TSHZ2: variants seen among roughly 807,000 people sequenced by gnomAD.
The protein encoded by TSHZ2 is teashirt homolog 2.
In TSHZ2, 21 loss-of-function variants were observed where a neutral mutation model predicts 74.4. The observed-to-expected ratio is 0.28, with a 90% CI of 0.20 to 0.41. TSHZ2 has a LOEUF of 0.41. TSHZ2 is among the 10% of genes least tolerant of loss of function. The probability of loss-of-function intolerance (pLI) is 1.00; values close to 1 mark genes in which losing one functional copy is unlikely to be tolerated. For missense variants in TSHZ2, 1,244 were observed against 1,293.5 expected (o/e 0.96, Z 0.59); for synonymous variants, 540 against 515.3 (o/e 1.05, Z -0.65).
At chr20:53,193,075 C>A in intron 1 of TSHZ2, among the ~76,000 whole-genome samples, 1 of 148,032 alleles carries the variant, frequency 6.8e-6, no homozygotes. Flanking sequence ...TGGAAGACCC[C>A]AAAACAGAGT....
In TSHZ2 at chr20:53,253,725, T is replaced by C. The variant is rs1371662395; in HGVS notation, c.267T>C (p.Ser89=). ...AENESLLSDA[S]DQVSDIKSVC... ...ACGAGTCTCTGCTGAGTGACGCCAG[T>C]GATCAGGTGTCGGACATCAAGAGTG... Residue 89 remains serine (S), a synonymous_variant, in exon 2 of 3, where the codon AGT becomes AGC. Coordinates refer to ENST00000371497, the MANE Select transcript of TSHZ2 (RefSeq NM_173485.6). 1 of 1,614,184 alleles carries C rather than the reference T, an allele frequency of 6.2e-7. No individual in the cohort carries two copies. Among genetic ancestry groups the C allele is most frequent in the Non-Finnish European group, 8.5e-7 (1 of 1,180,034 alleles).
At chr20:53,048,013 G>T (rs1465459485) in intron 1 of TSHZ2, among the ~76,000 whole-genome samples, 1 of 152,216 alleles carries the variant, frequency 6.6e-6, no homozygotes, top group Non-Finnish European at 1.5e-5. Context: ...GTAAGTGGCT[G>T]AGTGGCGATC....
At position 53,185,659 on chromosome 20, in the gene TSHZ2, C is replaced by T. The variant is rs183040578; in HGVS notation, c.41-67840C>T. ...AAGAAAGAAAAGATGATGGCTGCTG[C>T]GTTGCTCCATTATACAGGTACAACA... is the stretch of plus-strand genomic sequence containing the variant. On this transcript the variant is annotated intron_variant, in intron 1 of 2. Transcript: ENST00000371497. 2.0e-4 allele frequency: 312 copies of T among 1,536,026 alleles called. 1 individual carries two copies. Among genetic ancestry groups the T allele is most frequent in the African/African-American group, 1.0e-3 (73 of 73,144 alleles).
At chr20:53,291,323 A>AC (rs1991273558) in intron 2 of TSHZ2, among the ~76,000 whole-genome samples, 1 of 152,024 alleles carries the variant, frequency 6.6e-6, no homozygotes, top group African/African-American at 2.4e-5. Flanking sequence ...AATACACAAA[A>AC]TTAGCTGGAT....
intron 2 of TSHZ2, among the ~76,000 whole-genome samples, chr20:53,287,682 G>A (rs1201499576): frequency 6.6e-6 from 1 of 152,090 alleles, no homozygotes; most frequent in Non-Finnish European, 1.5e-5. Flanking sequence ...TGAGTGCCAG[G>A]GTAGTGGTAT....
intron 1 of TSHZ2, among the ~76,000 whole-genome samples, chr20:53,152,914 C>CGGGT (rs1035645392): frequency 1.1e-4 from 17 of 152,252 alleles, no homozygotes; most frequent in African/African-American, 3.9e-4. Context: ...GAAGAATTGC[C>CGGGT]TACCCCAGTC....
At chr20:53,316,403 G>A (rs888285907) in intron 2 of TSHZ2, among the ~76,000 whole-genome samples, 10 of 152,100 alleles carry the variant, frequency 6.6e-5, no homozygotes, top group Non-Finnish European at 1.0e-4. Flanking sequence ...GCGTAGTAGG[G>A]GGTTGGTGTT....
intron 1 of TSHZ2, among the ~76,000 whole-genome samples, chr20:53,014,585 T>C (rs1982969976): frequency 1.3e-5 from 2 of 152,168 alleles, no homozygotes; most frequent in Admixed American, 6.5e-5. Context: ...CCTCAAGTTC[T>C]ACCCTCCTCT....
intron 1 of TSHZ2, among the ~76,000 whole-genome samples, chr20:53,034,372 C>G (rs1366066058): frequency 1.3e-5 from 2 of 152,164 alleles, no homozygotes; most frequent in South Asian, 4.1e-4. Context: ...AATAAGGTGT[C>G]TGCCCCATAG....
At chr20:53,185,434 G>A in intron 1 of TSHZ2, 2 of 1,313,734 alleles carry the variant, frequency 1.5e-6, no homozygotes, top group South Asian at 3.8e-5. Flanking sequence ...CAGCACTTTG[G>A]GAGGCCGAGG....
intron 1 of TSHZ2, among the ~76,000 whole-genome samples, chr20:53,015,844 A>G (rs144487558): frequency 6.6e-6 from 1 of 152,246 alleles, no homozygotes; most frequent in East Asian, 1.9e-4. Context: ...ATTCTTAAGG[A>G]TGCTGTGAAG....
intron 2 of TSHZ2, among the ~76,000 whole-genome samples, chr20:53,454,097 G>A (rs1984943024): frequency 6.6e-6 from 1 of 152,176 alleles, no homozygotes; most frequent in African/African-American, 2.4e-5. Context: ...AACAACTTGA[G>A]TGACAATTGC....
At chr20:53,085,607 A>C (rs911315807) in intron 1 of TSHZ2, among the ~76,000 whole-genome samples, 1 of 152,164 alleles carries the variant, frequency 6.6e-6, no homozygotes, top group African/African-American at 2.4e-5. Context: ...CTTTGTATGC[A>C]TTGTACACTA....
intron 2 of TSHZ2, among the ~76,000 whole-genome samples, chr20:53,467,649 C>T (rs574128933): frequency 9.3e-4 from 142 of 152,270 alleles, no homozygotes; most frequent in Admixed American, 1.2e-3. Flanking sequence ...TAGTAAATGG[C>T]AGAGCCAAAC....
chr20:53,226,715 C>G (rs1373926960), intron 1 of TSHZ2, among the ~76,000 whole-genome samples: 1 of 152,046 alleles, frequency 6.6e-6, no homozygotes, highest in Non-Finnish European at 1.5e-5. Context: ...TAATTATTTA[C>G]CGGGTACCGT....
chr20:53,392,706 TA>T (rs893579275), intron 2 of TSHZ2, among the ~76,000 whole-genome samples: 5 of 152,326 alleles, frequency 3.3e-5, no homozygotes, highest in South Asian at 2.1e-4. Context: ...TTTTATTTTT[TA>T]AAAAAACTTC....
chr20:53,281,019 G>C (rs1420873253), intron 2 of TSHZ2, among the ~76,000 whole-genome samples: 1 of 152,138 alleles, frequency 6.6e-6, no homozygotes, highest in Non-Finnish European at 1.5e-5. Flanking sequence ...AAAGTAAACT[G>C]TATTTAGATA....
chr20:53,469,934 G>A lies in TSHZ2; in HGVS notation c.*9-17210G>A, dbSNP rs569610813. ...GGAAGGAAGGAAGGCAGGCAGGCAG[G>A]CAGGCAGGCAGACACAACCCAGATA... On this transcript the variant is annotated intron_variant, in intron 2 of 2. Transcript: ENST00000371497. Among the ~76,000 whole-genome samples the A allele has an allele frequency of 2.0e-5, 3 of 152,176 alleles. No homozygotes were observed. In the South Asian group the frequency reaches 6.2e-4, roughly 32 times the overall value.
Position 53,256,394 on chromosome 20 carries a change from G to A in TSHZ2, c.2936G>A (p.Arg979Lys). 1.2e-6 allele frequency: 2 copies of A among 1,613,872 alleles called. No individual in the cohort carries two copies. Among genetic ancestry groups the A allele is most frequent in the Non-Finnish European group, 1.7e-6 (2 of 1,179,772 alleles). ...ATCTCCCGGGTATCGTCGGCTCAGA[G>A]GTCTCCAGAAACAATAGCTGCCGAA... ...QEISRVSSAQ[R>K]SPETIAAEED... Residue 979 changes from arginine (R) to lysine (K), a missense_variant, in exon 2 of 3, where the codon AGG becomes AAG. Physicochemically the swap from Arg to Lys is conservative, Grantham distance 26 (BLOSUM62 2). This residue lies in a region of TSHZ2 where 185 missense variants were observed against 213.3 expected (regional missense o/e 0.87). Transcript: ENST00000371497. The surrounding 1 kb of genome is among the most constrained non-coding windows in gnomAD (Gnocchi z 4.3).
Sources: allele counts gnomAD v4.1 joint callset (sites outside exome capture counted in the v4.1 genomes callset), GRCh38; gene constraint gnomAD v4.1.1; regional missense constraint gnomAD v4.1.1; non-coding constraint Gnocchi (gnomAD v3.1); transcripts MANE v1.5; gene names NCBI Gene and HGNC (gene_info 2026-07-23, HGNC 2026-07-21).